Variants in ADGRL3 observed in about 807,000 individuals in gnomAD.
ADGRL3 encodes adhesion G protein-coupled receptor L3.
ADGRL3 carries 62 observed loss-of-function variants against 153.5 expected under a neutral mutation model. The observed-to-expected ratio is 0.40, with a 90% CI of 0.33 to 0.50. ADGRL3 has a LOEUF of 0.50. Among genes scored for constraint, ADGRL3 ranks in the 20% least tolerant of loss-of-function variants. The probability of loss-of-function intolerance (pLI) is 0.47; values close to 1 mark genes in which losing one functional copy is unlikely to be tolerated. For synonymous variants in ADGRL3, 710 were observed against 672.5 expected, an observed-to-expected ratio of 1.06 and a Z score of -0.86; for missense variants, 1,641 against 1,859.4, an observed-to-expected ratio of 0.88 and a Z score of 2.16.
chr4:61,627,868 C>A (rs560003458), intron 5 of ADGRL3, among the ~76,000 whole-genome samples: 2 of 152,116 alleles, frequency 1.3e-5, no homozygotes, highest in South Asian at 4.2e-4. Flanking sequence ...TGAAGATTAT[C>A]TGAGTCACTG....
intron 25 of ADGRL3, among the ~76,000 whole-genome samples, chr4:62,054,728 AC>A (rs940225414): frequency 6.6e-6 from 1 of 151,646 alleles, no homozygotes; most frequent in African/African-American, 2.4e-5. Context: ...TATATAAAAA[AC>A]AAAATGCTAG....
intron 4 of ADGRL3, among the ~76,000 whole-genome samples, chr4:61,526,577 A>G (rs1283689669): frequency 6.6e-6 from 1 of 151,992 alleles, no homozygotes; most frequent in African/African-American, 2.4e-5. Flanking sequence ...CAGAAGTTTG[A>G]AACCAGCCTA....
At chr4:61,565,573 T>C (rs2149045024) in intron 4 of ADGRL3, among the ~76,000 whole-genome samples, 1 of 152,194 alleles carries the variant, frequency 6.6e-6, no homozygotes, top group African/African-American at 2.4e-5. Context: ...GTCTCACTCT[T>C]GTCGCCCAGA....
chr4:61,604,093 A>C (rs974302919), intron 5 of ADGRL3, among the ~76,000 whole-genome samples: 2 of 152,064 alleles, frequency 1.3e-5, no homozygotes, highest in African/African-American at 4.8e-5. Context: ...TCTTATCATC[A>C]GTGGTCTGGG....
At chr4:61,729,900 C>A (rs1433868299) in intron 6 of ADGRL3, among the ~76,000 whole-genome samples, 1 of 151,964 alleles carries the variant, frequency 6.6e-6, no homozygotes, top group African/African-American at 2.4e-5. Flanking sequence ...TTAAGAATTT[C>A]AGAAAAGACC....
chr4:61,487,152 A>G (rs1433607480), intron 2 of ADGRL3, among the ~76,000 whole-genome samples: 1 of 152,188 alleles, frequency 6.6e-6, no homozygotes, highest in South Asian at 2.1e-4. Flanking sequence ...ATGCTACAGA[A>G]TCTGTAGTCA....
intron 4 of ADGRL3, among the ~76,000 whole-genome samples, chr4:61,562,724 C>T (rs944084891): frequency 3.3e-5 from 5 of 152,064 alleles, no homozygotes; most frequent in African/African-American, 9.7e-5. Context: ...TTATATCCTC[C>T]GCCAAAGTCT....
intron 8 of ADGRL3, among the ~76,000 whole-genome samples, chr4:61,735,959 A>T (rs986100755): frequency 6.6e-6 from 1 of 152,102 alleles, no homozygotes; most frequent in Non-Finnish European, 1.5e-5. Context: ...CCATGTGTTT[A>T]AAAACTTGCC....
intron 6 of ADGRL3, among the ~76,000 whole-genome samples, chr4:61,726,216 T>TTTTTTTTTTTTTTTTTTTTTTTTTTTTA (rs1384390790): frequency 6.7e-6 from 1 of 148,938 alleles, no homozygotes. Flanking sequence ...TTTTGTTTTT[T>TTTTTTTTTTTTTTTTTTTTTTTTTTTTA]GAGAAGGAGT....
At chr4:61,579,697 A>G in intron 4 of ADGRL3, 1 of 428,386 alleles carries the variant, frequency 2.3e-6, no homozygotes, top group Non-Finnish European at 4.5e-6. Context: ...GAAATTGTAT[A>G]TTAAAACATC....
At chr4:61,773,254 A>G (rs924742418) in intron 8 of ADGRL3, among the ~76,000 whole-genome samples, 1 of 152,228 alleles carries the variant, frequency 6.6e-6, no homozygotes, top group African/African-American at 2.4e-5. Flanking sequence ...AACATGAAAC[A>G]TAGAGAAAAG....
At chr4:61,326,599 ATGTGTGTGTG>A (rs34387631) in intron 1 of ADGRL3, among the ~76,000 whole-genome samples, 2 of 140,644 alleles carry the variant, frequency 1.4e-5, no homozygotes, top group Non-Finnish European at 1.6e-5. Flanking sequence ...ATGCCAGATA[ATGTGTGTGTG>A]TGTGTGTGTG....
intron 8 of ADGRL3, among the ~76,000 whole-genome samples, chr4:61,768,301 A>G (rs1313568675): frequency 6.6e-6 from 1 of 152,028 alleles, no homozygotes; most frequent in Non-Finnish European, 1.5e-5. Context: ...GGAGGAGCGG[A>G]GGCTGAGGAA....
rs547409954 is a variant in ADGRL3 at position 61,417,763 on chromosome 4, T to A, written c.-174+34574T>A. Among the ~76,000 whole-genome samples, 4 of 152,086 alleles carry A rather than the reference T, an allele frequency of 2.6e-5. No individual in the cohort carries two copies. The South Asian group carries it at 8.3e-4, about 32-fold the overall frequency. On this transcript the variant is annotated intron_variant, in intron 2 of 26. Coordinates refer to ENST00000683033, the MANE Select transcript of ADGRL3 (RefSeq NM_001387552.1). ...GATCCCATCTTGTGCTTAAGTTGGG[T>A]CCACTCCTTGAATGAGACATACAGA...
chr4:61,433,170 G>A (rs143725705), intron 2 of ADGRL3, among the ~76,000 whole-genome samples: 43 of 151,850 alleles, frequency 2.8e-4, no homozygotes, highest in East Asian at 1.7e-3. Context: ...TCTTATTTTC[G>A]TTTGAATTGT....
chr4:61,936,102 C>A (rs2098837133), intron 15 of ADGRL3, 57 bp downstream of exon 15: 5 of 1,587,716 alleles, frequency 3.1e-6, no homozygotes, highest in Non-Finnish European at 4.3e-6. Context: ...CAGTTCATTT[C>A]TTTTTGGCCG....
chr4:61,393,658 C>T (rs1488276087), intron 2 of ADGRL3, among the ~76,000 whole-genome samples: 1 of 151,832 alleles, frequency 6.6e-6, no homozygotes, highest in African/African-American at 2.4e-5. Flanking sequence ...TATATACTTA[C>T]AAGAAAAGGA....
chr4:61,801,315 C>A (rs1012294643), intron 8 of ADGRL3, among the ~76,000 whole-genome samples: 2 of 151,752 alleles, frequency 1.3e-5, no homozygotes, highest in Admixed American at 6.6e-5. Flanking sequence ...AGGAACAATT[C>A]TTAGAACATC....
At chr4:61,588,681 T>C (rs182270543) in intron 5 of ADGRL3, among the ~76,000 whole-genome samples, 85 of 152,112 alleles carry the variant, frequency 5.6e-4, no homozygotes, top group African/African-American at 1.9e-3. Flanking sequence ...CATCTTGTTG[T>C]TCTTGTGTGT....
Sources: gnomAD v4.1 joint callset for allele counts (sites outside exome capture counted in the v4.1 genomes callset) on GRCh38, gnomAD v4.1.1 for gene constraint, MANE v1.5 for transcripts, NCBI Gene and HGNC (gene_info 2026-07-23, HGNC 2026-07-21) for gene names.